Variants in CACNG2 observed in about 807,000 individuals in gnomAD.
The protein encoded by CACNG2 is calcium voltage-gated channel auxiliary subunit gamma 2.
A neutral mutation model predicts 25.9 loss-of-function variants in CACNG2; 3 were observed. That is an observed-to-expected ratio of 0.12 (90% CI 0.05 to 0.30). The LOEUF (loss-of-function observed/expected upper bound fraction) is 0.30. CACNG2 is among the 10% of genes least tolerant of loss of function. CACNG2 has a pLI of 1.00. For missense variants in CACNG2, 341 were observed against 432.5 expected, an observed-to-expected ratio of 0.79 and a Z score of 1.88; for synonymous variants, 167 against 173.3, an observed-to-expected ratio of 0.96 and a Z score of 0.29.
In CACNG2 at chr22:36,587,486, C is replaced by A. The variant is rs577819242; in HGVS notation, c.274G>T (p.Asp92Tyr). 6.2e-7 allele frequency: 1 copy of A among 1,613,358 alleles called. No individual in the cohort carries two copies. The highest frequency in any genetic ancestry group is 1.7e-5 in the Admixed American group (1 of 60,018). ...TCACGGAGGAAATATTCTGCTGTGT[C>A]AGCTTCGTAATCTGCATCCTCTGGG... ...HFPEDADYEA[D>Y]TAEYFLRAVR... The change falls in exon 2 of 4, where the codon GAC becomes TAC. Residue 92 changes from aspartate (D) to tyrosine (Y), a missense_variant. This residue lies in a region of CACNG2 where 169 missense variants were observed against 254.4 expected (regional missense o/e 0.66). Coordinates refer to ENST00000300105, the MANE Select transcript of CACNG2 (RefSeq NM_006078.5).
chr22:36,638,029 A>G (rs1469545760), intron 1 of CACNG2, among the ~76,000 whole-genome samples: 1 of 152,078 alleles, frequency 6.6e-6, no homozygotes, highest in African/African-American at 2.4e-5. Context: ...CTCAAAAAAA[A>G]AAAAAGAATC....
In CACNG2 at chr22:36,564,501, G is replaced by A. The variant is rs1327592769; in HGVS notation, c.822C>T (p.Ser274=). The A allele has an allele frequency of 6.2e-7, 1 of 1,614,044 alleles. No individual in the cohort carries two copies. The highest frequency in any genetic ancestry group is 8.5e-7 in the Non-Finnish European group (1 of 1,180,014). The change falls in exon 4 of 4, where the codon AGC becomes AGT. Residue 274 remains serine, a synonymous_variant. Coordinates refer to ENST00000300105, the MANE Select transcript of CACNG2 (RefSeq NM_006078.5). The surrounding 1 kb of genome is among the most constrained non-coding windows in gnomAD (Gnocchi z 6.7). ...TGGTGGCGGCCTTCAGGGGGTCCCT[G>A]CTGAGCGTGTACATGGAGATCTCCG... ...PSTEISMYTL[S]RDPLKAATTP...
At chr22:36,641,046 C>G (rs1271220355) in intron 1 of CACNG2, among the ~76,000 whole-genome samples, 1 of 152,182 alleles carries the variant, frequency 6.6e-6, no homozygotes, top group African/African-American at 2.4e-5. Flanking sequence ...TAGCAACATG[C>G]CTTTTGGCTG....
chr22:36,628,814 A>G (rs1469184372), intron 1 of CACNG2, among the ~76,000 whole-genome samples: 3 of 152,172 alleles, frequency 2.0e-5, no homozygotes. Context: ...GGTAAAGACA[A>G]CAATAAAAGC....
chr22:36,687,133 C>G (rs982669078), intron 1 of CACNG2, among the ~76,000 whole-genome samples: 1 of 152,114 alleles, frequency 6.6e-6, no homozygotes, highest in Admixed American at 6.5e-5. Context: ...CTCTGGCAGC[C>G]CTACTTGACT....
At chr22:36,617,086 C>T (rs1395504099) in intron 1 of CACNG2, among the ~76,000 whole-genome samples, 1 of 152,114 alleles carries the variant, frequency 6.6e-6, no homozygotes, top group Non-Finnish European at 1.5e-5. Flanking sequence ...TGAAGTCTCT[C>T]CCAAGGCATC....
chr22:36,604,485 T>A (rs1935801510), intron 1 of CACNG2, among the ~76,000 whole-genome samples: 1 of 152,232 alleles, frequency 6.6e-6, no homozygotes. Flanking sequence ...CAATATCACT[T>A]GCTATACAGA....
chr22:36,651,896 C>T (rs1286905761), intron 1 of CACNG2, among the ~76,000 whole-genome samples: 1 of 152,136 alleles, frequency 6.6e-6, no homozygotes, highest in Admixed American at 6.5e-5. Flanking sequence ...CAGAGTCTCG[C>T]TCTGTTGCCC....
At chr22:36,612,570 T>G (rs892700231) in intron 1 of CACNG2, among the ~76,000 whole-genome samples, 4 of 152,214 alleles carry the variant, frequency 2.6e-5, no homozygotes, top group African/African-American at 9.6e-5. Flanking sequence ...TCATAACTTC[T>G]TGGAGGAGAG....
At chr22:36,675,448 A>G (rs999279435) in intron 1 of CACNG2, among the ~76,000 whole-genome samples, 3 of 152,162 alleles carry the variant, frequency 2.0e-5, no homozygotes, top group Admixed American at 6.5e-5. Context: ...CAGTTTCCAA[A>G]GCCAAGTGGG....
chr22:36,681,187 A>G (rs999518780), intron 1 of CACNG2, among the ~76,000 whole-genome samples: 2 of 151,932 alleles, frequency 1.3e-5, no homozygotes, highest in Admixed American at 1.3e-4. Context: ...CTTCCCTTTT[A>G]GTTTGTCTTC....
At chr22:36,631,252 T>C (rs1356301882) in intron 1 of CACNG2, among the ~76,000 whole-genome samples, 1 of 152,192 alleles carries the variant, frequency 6.6e-6, no homozygotes, top group Non-Finnish European at 1.5e-5. Flanking sequence ...GATGGTGTTT[T>C]CATCCACTGC....
intron 1 of CACNG2, among the ~76,000 whole-genome samples, chr22:36,600,854 T>A (rs953390577): frequency 7.9e-5 from 12 of 152,238 alleles, no homozygotes; most frequent in African/African-American, 2.9e-4. Context: ...GCCTAAAATT[T>A]TTTTTAAGTG....
At chr22:36,658,435 A>C (rs1042417345) in intron 1 of CACNG2, among the ~76,000 whole-genome samples, 1 of 152,222 alleles carries the variant, frequency 6.6e-6, no homozygotes, top group Non-Finnish European at 1.5e-5. Flanking sequence ...CACGCACTGC[A>C]TGCTGGGCTT....
At chr22:36,673,693 C>T (rs1237719669) in intron 1 of CACNG2, among the ~76,000 whole-genome samples, 6 of 152,048 alleles carry the variant, frequency 3.9e-5, no homozygotes, top group Non-Finnish European at 4.4e-5. Flanking sequence ...AGCAGAGGAC[C>T]GCAGGTAGGA....
chr22:36,630,010 G>A (rs1936244395), intron 1 of CACNG2, among the ~76,000 whole-genome samples: 1 of 152,210 alleles, frequency 6.6e-6, no homozygotes, highest in Non-Finnish European at 1.5e-5. Context: ...GCAAAGCCCG[G>A]GGAAGTGCAT....
intron 1 of CACNG2, among the ~76,000 whole-genome samples, chr22:36,685,379 G>A (rs1447761645): frequency 6.6e-6 from 1 of 152,068 alleles, no homozygotes; most frequent in Non-Finnish European, 1.5e-5. Context: ...GTGCCACCTC[G>A]CTATGCTGAG....
intron 2 of CACNG2, among the ~76,000 whole-genome samples, chr22:36,570,584 A>AC (rs1371592045): frequency 2.6e-5 from 4 of 151,892 alleles, no homozygotes; most frequent in Admixed American, 1.3e-4. Context: ...ACATGGTGAA[A>AC]CCCCGTCTCT....
At chr22:36,696,565 T>C (rs1244632822) in intron 1 of CACNG2, among the ~76,000 whole-genome samples, 2 of 152,172 alleles carry the variant, frequency 1.3e-5, no homozygotes, top group African/African-American at 4.8e-5. Flanking sequence ...TGCACTGTCA[T>C]GATTGCTGTG....
Sources: allele counts gnomAD v4.1 joint callset (sites outside exome capture counted in the v4.1 genomes callset), GRCh38; gene constraint gnomAD v4.1.1; regional missense constraint gnomAD v4.1.1; non-coding constraint Gnocchi (gnomAD v3.1); transcripts MANE v1.5; gene names NCBI Gene and HGNC (gene_info 2026-07-23, HGNC 2026-07-21).